FAM193B: variants seen among roughly 807,000 people sequenced by gnomAD.
FAM193B encodes the protein family with sequence similarity 193 member B, also known as protein FAM193B.
In FAM193B, 27 loss-of-function variants were observed where a neutral mutation model predicts 70.7. The ratio of observed to expected loss-of-function variants is 0.38; its 90% CI spans 0.28 to 0.53. The LOEUF is 0.53. Among genes scored for constraint, FAM193B ranks in the 20% least tolerant of loss-of-function variants. The probability of loss-of-function intolerance (pLI) is 0.81; values close to 1 mark genes in which losing one functional copy is unlikely to be tolerated. For synonymous variants in FAM193B, 448 were observed against 436.0 expected (o/e 1.03, Z -0.34); for missense variants, 1,022 against 1,072.5 (o/e 0.95, Z 0.66).
At chr5:177,541,751 A>T (rs1764892798) in intron 1 of FAM193B, among the ~76,000 whole-genome samples, 1 of 152,148 alleles carries the variant, frequency 6.6e-6, no homozygotes, top group Non-Finnish European at 1.5e-5. Flanking sequence ...AAAGCACAAT[A>T]TACAGTCATC....
intron 5 of FAM193B, among the ~76,000 whole-genome samples, chr5:177,526,528 CT>C (rs1270102526): frequency 1.3e-5 from 2 of 151,274 alleles, no homozygotes; most frequent in Admixed American, 1.3e-4. Flanking sequence ...AAAAGTTTGG[CT>C]GCTAAAAAAA....
At position 177,554,258 on chromosome 5, in the gene FAM193B, G is replaced by A. The variant is rs892629236; in HGVS notation, c.201C>T (p.Pro67=). The A allele has an allele frequency of 1.3e-5, 19 of 1,479,166 alleles. No individual in the cohort carries two copies. The African/African-American group carries it at 2.0e-4, about 16-fold the overall frequency. 91.6% of individuals were successfully genotyped at this position (1,479,166 alleles called of 1,614,324 possible). A position where few individuals can be genotyped will look rare whatever the true frequency, so the allele number is the denominator to read the frequency against. ...CCCCGCTCGCTCCTACCTGCGGGCC[G>A]GGCACCAGGTTGGGTTCGTCATCCT... is the stretch of plus-strand genomic sequence containing the variant. The part of the protein sequence containing the change: ...PREDDEPNLV[P]GPQVPPASSQ... The change falls in exon 1 of 9, where the codon CCC becomes CCT. Residue 67 remains proline (P), a synonymous_variant. Transcript: ENST00000514747.
chr5:177,532,267 C>T lies in FAM193B; in HGVS notation c.1275+176G>A. 1.3e-6 allele frequency: 2 copies of T among 1,489,408 alleles called. No homozygotes were observed. Among genetic ancestry groups the T allele is most frequent in the Non-Finnish European group, 1.8e-6 (2 of 1,125,254 alleles). 92.3% of individuals were successfully genotyped at this position (1,489,408 alleles called of 1,614,324 possible). A position where few individuals can be genotyped will look rare whatever the true frequency, so the allele number is the denominator to read the frequency against. The stretch of plus-strand genomic sequence containing the variant: ...GCAAAGGTAGCAAAATGTTTAAAAA[C>T]CCCTACCTCACAAATGTGCTGTGAG... On this transcript the variant is annotated intron_variant, in intron 5 of 8. Coordinates refer to ENST00000514747, the MANE Select transcript of FAM193B (RefSeq NM_001190946.3). This position sits in a 1 kb window ranked among gnomAD's most constrained non-coding sequence, Gnocchi z 4.9.
chr5:177,554,386 T>C lies in FAM193B; in HGVS notation c.73A>G (p.Lys25Glu), dbSNP rs910356409. 19 of 1,187,704 alleles carry C rather than the reference T, an allele frequency of 1.6e-5. No homozygotes were observed. 73.6% of individuals were successfully genotyped at this position (1,187,704 alleles called of 1,614,324 possible). The change falls in exon 1 of 9, where the codon AAG becomes GAG. Residue 25 changes from lysine to glutamate, a missense_variant. Physicochemically the swap from Lys to Glu is moderately conservative, Grantham distance 56. Transcript: ENST00000514747. ...GGCGGGGGCTCGGGCGCCTGGGGCT[T>C]CTGCGGCCCCGCGGCCCGAGCCCGC... ...RERARAAGPQ[K>E]PQAPEPPPPP... is the part of the protein sequence containing the mutation.
At chr5:177,539,329 TA>T (rs1346850031) in intron 1 of FAM193B, 182 bp from the exon 2 acceptor site, 6 of 707,102 alleles carry the variant, frequency 8.5e-6, no homozygotes, top group Non-Finnish European at 1.3e-5. Flanking sequence ...TCCCATTTTT[TA>T]AGATGAAGAA....
intron 4 of FAM193B, among the ~76,000 whole-genome samples, chr5:177,534,671 C>T (rs1044316430): frequency 4.6e-5 from 7 of 152,150 alleles, no homozygotes; most frequent in Non-Finnish European, 1.0e-4. Context: ...AGTTCAGTGG[C>T]ACGATGTCAG....
rs1447858826 is a variant in FAM193B, at chr5:177,554,497, G to A, written c.-39C>T. On this transcript the variant is annotated 5_prime_UTR_variant, in exon 1 of 9. Transcript: ENST00000514747. ...CCGCTCCCTCGCTCCACACGCCGCCGCCGCCGCCGCCGCCGCCGCCGCCGC... is the reference window on the plus strand; with the variant it reads ...CCGCTCCCTCGCTCCACACGCCGCCACCGCCGCCGCCGCCGCCGCCGCCGC... 2 of 621,466 alleles carry A rather than the reference G, an allele frequency of 3.2e-6. No individual in the cohort carries two copies. The highest frequency in any genetic ancestry group is 2.0e-6 in the Non-Finnish European group (1 of 512,400). The allele number at this position is 621,466 out of a possible 1,614,324, so 38.5% of individuals were successfully genotyped here. A position where few individuals can be genotyped will look rare whatever the true frequency, so the allele number is the denominator to read the frequency against.
Position 177,524,396 on chromosome 5 carries a change from C to T in FAM193B, c.2085G>A (p.Gly695=). Residue 695 remains glycine, a synonymous_variant, in exon 6 of 9, where the codon GGG becomes GGA. Transcript: ENST00000514747. ...CAGCCCAACCTGGTCCTGGCCGGCT[C>T]CCCCGGCTCCCCTCTCCAGCCTCAG... ...SCAEAGEGSR[G]SRPGPGWAGS... The T allele has an allele frequency of 1.3e-6, 2 of 1,572,762 alleles. No individual in the cohort carries two copies. Among genetic ancestry groups the T allele is most frequent in the South Asian group, 2.3e-5 (2 of 85,796 alleles).
In FAM193B at chr5:177,549,954, G is replaced by A. The variant is rs959011871; in HGVS notation, c.210+4295C>T. On this transcript the variant is annotated intron_variant, in intron 1 of 8. Transcript: ENST00000514747. ...CCAAATAAATTAAAACATAGACCCT[G>A]CTCTAAAAAATTCTAGATGAGGTAA... Among the ~76,000 whole-genome samples, 10 of 152,236 alleles carry A rather than the reference G, an allele frequency of 6.6e-5. No individual in the cohort carries two copies. In the South Asian group the frequency reaches 1.9e-3, roughly 28 times the overall value.
At chr5:177,552,035 A>G (rs1766324661) in intron 1 of FAM193B, 10 of 985,440 alleles carry the variant, frequency 1.0e-5, no homozygotes, top group Non-Finnish European at 1.2e-5. Flanking sequence ...AAAATCCCCC[A>G]AAGTACCTAA....
At position 177,549,444 on chromosome 5, in the gene FAM193B, C is replaced by T. The variant is rs538539788; in HGVS notation, c.210+4805G>A. On this transcript the variant is annotated intron_variant, in intron 1 of 8. Coordinates refer to ENST00000514747, the MANE Select transcript of FAM193B (RefSeq NM_001190946.3). ...TCCTGACCTCGTGATCCTCCCGCCTCGGCCTCCCAAAGTGCTGGGATTACA... is the reference window on the plus strand; with the variant it reads ...TCCTGACCTCGTGATCCTCCCGCCTTGGCCTCCCAAAGTGCTGGGATTACA... Among the ~76,000 whole-genome samples the T allele has an allele frequency of 9.9e-5, 15 of 152,220 alleles. 1 individual carries two copies. Among genetic ancestry groups the T allele is most frequent in the African/African-American group, 3.6e-4 (15 of 41,548 alleles).
chr5:177,526,851 T>C lies in FAM193B; in HGVS notation c.1276-1646A>G, dbSNP rs73804368. 8.3e-3 allele frequency among the ~76,000 whole-genome samples: 1,257 copies of C among 152,330 alleles called. 23 individuals carry two copies. The highest frequency in any genetic ancestry group is 0.029 in the African/African-American group (1,195 of 41,584). ...CCATCTGACAACCATTTACCGACCA[T>C]TGAGGCTGTGAGGCAGCAGGCCAGG... On this transcript the variant is annotated intron_variant, in intron 5 of 8. Coordinates refer to ENST00000514747, the MANE Select transcript of FAM193B (RefSeq NM_001190946.3).
rs779705823 is a variant in FAM193B at position 177,524,135 on chromosome 5, G to A, written c.2296+50C>T. The A allele has an allele frequency of 2.2e-5, 36 of 1,601,324 alleles. No homozygotes were observed. In the East Asian group the frequency reaches 2.7e-4, roughly 12 times the overall value. Reference sequence around the variant, plus strand: ...CACACAAAGGCTGCCCCTCCACCCCGTGGACTGGCTGGGGTAGGGGGTCAG... The same window carrying A: ...CACACAAAGGCTGCCCCTCCACCCCATGGACTGGCTGGGGTAGGGGGTCAG... On this transcript the variant is annotated intron_variant, in intron 6 of 8. Transcript: ENST00000514747.
chr5:177,548,150 AG>A (rs1206896202), intron 1 of FAM193B, among the ~76,000 whole-genome samples: 1 of 152,184 alleles, frequency 6.6e-6, no homozygotes, highest in Non-Finnish European at 1.5e-5. Context: ...TTAAGTCCAC[AG>A]GAAGAATGAA....
rs530647570 is a variant in FAM193B, at chr5:177,538,911, T to G, written c.447A>C (p.Ala149=). Residue 149 remains alanine (A), a synonymous_variant, in exon 2 of 9, where the codon GCA becomes GCC. Transcript: ENST00000514747. The surrounding 1 kb of genome is among the most constrained non-coding windows in gnomAD (Gnocchi z 4.1). ...EDERQTGREH[A]VAISLSHTSC... is the part of the protein sequence containing the mutation. ...CCTGTCAGCGGTTACCTACCGCCAC[T>G]GCATGTTCTCGACCTGTCTGCCTTT... 6.2e-7 allele frequency: 1 copy of G among 1,614,040 alleles called. No individual in the cohort carries two copies. Among genetic ancestry groups the G allele is most frequent in the Non-Finnish European group, 8.5e-7 (1 of 1,179,878 alleles).
At position 177,532,234 on chromosome 5, in the gene FAM193B, T is replaced by G; in HGVS notation, c.1275+209A>C. 6.7e-7 allele frequency: 1 copy of G among 1,502,196 alleles called. No individual in the cohort carries two copies. Among genetic ancestry groups the G allele is most frequent in the Non-Finnish European group, 8.8e-7 (1 of 1,130,924 alleles). 93.1% of individuals were successfully genotyped at this position (1,502,196 alleles called of 1,614,324 possible). On this transcript the variant is annotated intron_variant, in intron 5 of 8. Transcript: ENST00000514747. This position sits in a 1 kb window ranked among gnomAD's most constrained non-coding sequence, Gnocchi z 4.9. ...AAAAAGTCAATCTTAAGAGAAACCATGAGAAGAGCAAAGGTAGCAAAATGT... is the reference window on the plus strand; with the variant it reads ...AAAAAGTCAATCTTAAGAGAAACCAGGAGAAGAGCAAAGGTAGCAAAATGT...
At chr5:177,544,960 T>C (rs1275467229) in intron 1 of FAM193B, among the ~76,000 whole-genome samples, 1 of 152,216 alleles carries the variant, frequency 6.6e-6, no homozygotes, top group Non-Finnish European at 1.5e-5. Context: ...TGCAAAAGAC[T>C]GAATACAGAA....
In FAM193B at chr5:177,524,237, C is replaced by T. The variant is rs1271811087; in HGVS notation, c.2244G>A (p.Lys748=). 3.2e-6 allele frequency: 5 copies of T among 1,550,762 alleles called. No homozygotes were observed. The highest frequency in any genetic ancestry group is 1.4e-5 in the African/African-American group (1 of 72,918). ...TGTTGCGGCTCCGGCGGCTGCGGCCCTTGCCCTGGGGCAAGCTCTGTGGCC... is the reference window on the plus strand; with the variant it reads ...TGTTGCGGCTCCGGCGGCTGCGGCCTTTGCCCTGGGGCAAGCTCTGTGGCC... ...PARPQSLPQG[K]GRSRRSRNKQ... is the part of the protein sequence containing the mutation. Residue 748 remains lysine (K), a synonymous_variant, in exon 6 of 9, where the codon AAG becomes AAA. Coordinates refer to ENST00000514747, the MANE Select transcript of FAM193B (RefSeq NM_001190946.3).
At chr5:177,523,189 G>A (rs901668942) in intron 7 of FAM193B, 48 of 349,652 alleles carry the variant, frequency 1.4e-4, no homozygotes, top group African/African-American at 6.0e-4. Context: ...TAGTAGAGAC[G>A]GGGTTTCACC....
Sources: allele counts gnomAD v4.1 joint callset (sites outside exome capture counted in the v4.1 genomes callset), GRCh38; gene constraint gnomAD v4.1.1; non-coding constraint Gnocchi (gnomAD v3.1); transcripts MANE v1.5; gene names NCBI Gene and HGNC (gene_info 2026-07-23, HGNC 2026-07-21).